The following MYCT1 variants were observed in gnomAD, a reference collection of about 807,000 sequenced individuals.
MYCT1 encodes the protein MYC target 1.
A neutral mutation model predicts 15.0 loss-of-function variants in MYCT1; 12 were observed. That is an observed-to-expected ratio of 0.80 (90% CI 0.51 to 1.29). MYCT1 has a LOEUF of 1.29. Ranked by LOEUF, MYCT1 falls within the 50% of genes most tolerant of loss-of-function variation. The probability of loss-of-function intolerance (pLI) is 0.00; values close to 1 mark genes in which losing one functional copy is unlikely to be tolerated. For synonymous variants in MYCT1, 104 were observed against 102.7 expected (o/e 1.01, Z -0.07); for missense variants, 287 against 279.1 (o/e 1.03, Z -0.20).
chr6:152,708,122 T>C (rs1247446847), intron 1 of MYCT1, among the ~76,000 whole-genome samples: 1 of 152,094 alleles, frequency 6.6e-6, no homozygotes, highest in East Asian at 1.9e-4. Context: ...TTCACAAATA[T>C]AGTATATCTC....
chr6:152,717,200 C>T (rs1200401209), intron 1 of MYCT1, among the ~76,000 whole-genome samples: 1 of 151,972 alleles, frequency 6.6e-6, no homozygotes, highest in African/African-American at 2.4e-5. Context: ...TGAAAACCAC[C>T]CCTGTTATTT....
At chr6:152,717,944 G>A (rs7754566) in intron 1 of MYCT1, among the ~76,000 whole-genome samples, 9,809 of 151,910 alleles carry the variant, frequency 0.065, 496 homozygotes, top group East Asian at 0.17. Context: ...GCCTATTATT[G>A]TGTGTATATA....
At chr6:152,717,199 C>T (rs545441930) in intron 1 of MYCT1, among the ~76,000 whole-genome samples, 33 of 152,176 alleles carry the variant, frequency 2.2e-4, no homozygotes, top group Middle Eastern at 3.4e-3. Context: ...ATGAAAACCA[C>T]CCCTGTTATT....
At chr6:152,736,698 A>T in the MYCT1 span, among the ~76,000 whole-genome samples, 101 of 152,102 alleles carry the variant, frequency 6.6e-4, 1 homozygote, top group South Asian at 0.019. Flanking sequence ...ACTTTTTTTT[A>T]AAAAAAGAAA....
downstream of MYCT1, among the ~76,000 whole-genome samples, chr6:152,729,294 C>T (rs964340173): frequency 6.6e-5 from 10 of 151,934 alleles, no homozygotes; most frequent in Non-Finnish European, 4.4e-5. Context: ...TTGGTTAGTG[C>T]TCCAGTGACA....
chr6:152,707,630 T>TCTTA (rs1223457684), intron 1 of MYCT1, among the ~76,000 whole-genome samples: 1 of 152,042 alleles, frequency 6.6e-6, no homozygotes. Flanking sequence ...GGGTTTCTGG[T>TCTTA]CTTAGGTTTG....
chr6:152,714,758 C>T (rs1269614690), intron 1 of MYCT1, among the ~76,000 whole-genome samples: 1 of 151,032 alleles, frequency 6.6e-6, no homozygotes, highest in Non-Finnish European at 1.5e-5. Context: ...TTTGTCTTGC[C>T]TCTTAGGATG....
the MYCT1 span, among the ~76,000 whole-genome samples, chr6:152,732,899 A>G: frequency 1.7e-4 from 26 of 152,238 alleles, no homozygotes; most frequent in African/African-American, 5.8e-4. Context: ...CAGAACCTTA[A>G]GGTGAGCTAA....
intron 1 of MYCT1, among the ~76,000 whole-genome samples, chr6:152,717,228 T>G (rs1447336231): frequency 6.6e-6 from 1 of 152,224 alleles, no homozygotes; most frequent in Non-Finnish European, 1.5e-5. Context: ...CATCTCTTTC[T>G]TATTGCCTTT....
the MYCT1 span, among the ~76,000 whole-genome samples, chr6:152,737,763 G>A: frequency 6.6e-6 from 1 of 152,130 alleles, no homozygotes; most frequent in African/African-American, 2.4e-5. Context: ...TAATGCATAT[G>A]TTGTTTAAGG....
chr6:152,703,861 A>G (rs970437551), intron 1 of MYCT1, among the ~76,000 whole-genome samples: 2 of 152,072 alleles, frequency 1.3e-5, no homozygotes, highest in African/African-American at 2.4e-5. Context: ...ATTTTTGCAT[A>G]TAGTGTAGAA....
At chr6:152,740,591 C>T in the MYCT1 span, among the ~76,000 whole-genome samples, 1 of 152,098 alleles carries the variant, frequency 6.6e-6, no homozygotes, top group African/African-American at 2.4e-5. Context: ...TTAAAGTATA[C>T]ATCTGACGTA....
chr6:152,723,598 A>G lies in MYCT1; in HGVS notation c.*1345A>G, dbSNP rs943176052. On this transcript the variant is annotated 3_prime_UTR_variant, in exon 2 of 2. Transcript: ENST00000367245. ...TGCTTCTCTACGAATCTCAATTCCA[A>G]CTTCTCTGCAGAGTCTGTACAGTGA... is the stretch of plus-strand genomic sequence containing the variant. 1 of 152,338 alleles carries G rather than the reference A, an allele frequency of 6.6e-6. No homozygotes were observed. Among genetic ancestry groups the G allele is most frequent in the Non-Finnish European group, 1.5e-5 (1 of 68,048 alleles). 9.4% of individuals were successfully genotyped at this position (152,338 alleles called of 1,614,324 possible). A position where few individuals can be genotyped will look rare whatever the true frequency, so the allele number is the denominator to read the frequency against.
chr6:152,714,764 G>A (rs1416430056), intron 1 of MYCT1, among the ~76,000 whole-genome samples: 1 of 150,858 alleles, frequency 6.6e-6, no homozygotes, highest in African/African-American at 2.4e-5. Flanking sequence ...TTGCCTCTTA[G>A]GATGACTTGT....
the MYCT1 span, among the ~76,000 whole-genome samples, chr6:152,730,330 C>T: frequency 6.6e-6 from 1 of 152,200 alleles, no homozygotes; most frequent in Non-Finnish European, 1.5e-5. Flanking sequence ...TTCAAAGTGG[C>T]TAGTCAACAA....
chr6:152,744,656 A>G, the MYCT1 span, among the ~76,000 whole-genome samples: 2 of 152,018 alleles, frequency 1.3e-5, no homozygotes, highest in Admixed American at 1.3e-4. Flanking sequence ...GCCTAGGGGA[A>G]TAAATACCCA....
intron 1 of MYCT1, among the ~76,000 whole-genome samples, chr6:152,716,832 A>G (rs1301361822): frequency 6.6e-6 from 1 of 152,214 alleles, no homozygotes; most frequent in African/African-American, 2.4e-5. Flanking sequence ...AAGGAAAGTT[A>G]ACATTTTTAA....
chr6:152,717,180 A>T (rs971951361), intron 1 of MYCT1, among the ~76,000 whole-genome samples: 1 of 152,166 alleles, frequency 6.6e-6, no homozygotes, highest in Non-Finnish European at 1.5e-5. Context: ...AAATGAAAAA[A>T]AAATGTGTAT....
chr6:152,721,930 A>G lies in MYCT1; in HGVS notation c.385A>G (p.Ser129Gly). 1 of 1,614,182 alleles carries G rather than the reference A, an allele frequency of 6.2e-7. No individual in the cohort carries two copies. The highest frequency in any genetic ancestry group is 1.1e-5 in the South Asian group (1 of 91,082). The change falls in exon 2 of 2, where the codon AGT (serine) becomes GGT (glycine). Residue 129 changes from serine (S) to glycine (G), a missense_variant. Coordinates refer to ENST00000367245, the MANE Select transcript of MYCT1 (RefSeq NM_025107.3). ...CAACAGAACTGGATTTTACCGCCAC[A>G]GTGGCTGTGAACGTCGAAGCAACCT... The part of the protein sequence containing the change: ...GLNRTGFYRH[S>G]GCERRSNLSL...
Sources: allele counts gnomAD v4.1 joint callset (sites outside exome capture counted in the v4.1 genomes callset), GRCh38; gene constraint gnomAD v4.1.1; transcripts MANE v1.5; gene names NCBI Gene and HGNC (gene_info 2026-07-23, HGNC 2026-07-21).